ARHGAP26: variants seen among roughly 807,000 people sequenced by gnomAD.
ARHGAP26 encodes the protein rho GTPase-activating protein 26.
In ARHGAP26, 38 loss-of-function variants were observed where a neutral mutation model predicts 104.8. The observed-to-expected ratio is 0.36, with a 90% CI of 0.28 to 0.48. The LOEUF (loss-of-function observed/expected upper bound fraction) is 0.48. Ranked by LOEUF, ARHGAP26 falls within the 20% of genes least tolerant of loss-of-function variation. The pLI, the probability that ARHGAP26 is intolerant of heterozygous loss-of-function variation, is 0.99. For synonymous variants in ARHGAP26, 341 were observed against 340.0 expected (o/e 1.00, Z -0.03); for missense variants, 704 against 947.9 (o/e 0.74, Z 3.38).
Position 143,155,036 on chromosome 5 carries a change from T to C in ARHGAP26, c.1988+7655T>C, listed in dbSNP as rs188773337. 1.8e-3 allele frequency among the ~76,000 whole-genome samples: 267 copies of C among 152,268 alleles called. 1 individual carries two copies. Among genetic ancestry groups the C allele is most frequent in the African/African-American group, 6.3e-3 (261 of 41,562 alleles). ...ACTTTTTGTGGAGAAGGATCTTTCCTTTTAGATGGAGAATTCTGTTTCTCA... is the reference window on the plus strand; with the variant it reads ...ACTTTTTGTGGAGAAGGATCTTTCCCTTTAGATGGAGAATTCTGTTTCTCA... On this transcript the variant is annotated intron_variant, in intron 20 of 22. Coordinates refer to ENST00000645722, the MANE Select transcript of ARHGAP26 (RefSeq NM_001135608.3).
intron 11 of ARHGAP26, among the ~76,000 whole-genome samples, chr5:143,006,141 C>A (rs1443436889): frequency 2.0e-5 from 3 of 152,078 alleles, no homozygotes; most frequent in Non-Finnish European, 2.9e-5. Context: ...ATCCTGTTTT[C>A]TCTTAGGAAG....
chr5:142,838,290 T>C (rs965201219), intron 1 of ARHGAP26, among the ~76,000 whole-genome samples: 2 of 151,934 alleles, frequency 1.3e-5, no homozygotes, highest in Admixed American at 6.6e-5. Context: ...GGGTAAAATA[T>C]TGATTGATTC....
intron 1 of ARHGAP26, among the ~76,000 whole-genome samples, chr5:142,855,159 C>T (rs951682328): frequency 6.6e-6 from 1 of 152,112 alleles, no homozygotes; most frequent in Non-Finnish European, 1.5e-5. Context: ...CGTTTTAGAA[C>T]ATAAATGCTC....
intron 14 of ARHGAP26, among the ~76,000 whole-genome samples, chr5:143,042,447 G>A (rs1783604578): frequency 6.6e-6 from 1 of 152,216 alleles, no homozygotes; most frequent in African/African-American, 2.4e-5. Flanking sequence ...GCCACTGGCT[G>A]ATATAAATAC....
chr5:143,152,166 A>G (rs909526788), intron 20 of ARHGAP26, among the ~76,000 whole-genome samples: 5 of 152,178 alleles, frequency 3.3e-5, no homozygotes, highest in Admixed American at 2.6e-4. Flanking sequence ...TACACAAGAC[A>G]TTATGCATTT....
intron 3 of ARHGAP26, among the ~76,000 whole-genome samples, chr5:142,876,199 G>A (rs931840241): frequency 6.6e-5 from 10 of 152,156 alleles, no homozygotes; most frequent in Non-Finnish European, 1.5e-4. Flanking sequence ...CTAGGAGGGC[G>A]TGTCTTCAGG....
chr5:142,935,921 T>A (rs962401019), intron 11 of ARHGAP26, among the ~76,000 whole-genome samples: 2 of 152,092 alleles, frequency 1.3e-5, no homozygotes, highest in African/African-American at 4.8e-5. Context: ...ACTGAATGCT[T>A]TCCCTCTAAG....
chr5:143,158,255 G>A (rs1041909121), intron 20 of ARHGAP26, among the ~76,000 whole-genome samples: 6 of 152,128 alleles, frequency 3.9e-5, no homozygotes, highest in African/African-American at 1.4e-4. Flanking sequence ...TAAAAACATT[G>A]ATATAATTTT....
rs376417101 is a variant in ARHGAP26, at chr5:143,054,607, C to T, written c.1373+81C>T. 117 of 1,022,632 alleles carry T rather than the reference C, an allele frequency of 1.1e-4. No homozygotes were observed. In the South Asian group the frequency reaches 1.2e-3, roughly 10 times the overall value. 63.3% of individuals were successfully genotyped at this position (1,022,632 alleles called of 1,614,324 possible). A position where few individuals can be genotyped will look rare whatever the true frequency, so the allele number is the denominator to read the frequency against. The stretch of plus-strand genomic sequence containing the variant: ...AGAAAGCAGTTTTATTTTCAGACTC[C>T]GGAGAGCTGTCGGGTGGGTGTTTGA... On this transcript the variant is annotated intron_variant, in intron 15 of 22. Transcript: ENST00000645722.
At chr5:142,865,896 A>G (rs1438486802) in intron 1 of ARHGAP26, among the ~76,000 whole-genome samples, 1 of 152,092 alleles carries the variant, frequency 6.6e-6, no homozygotes, top group African/African-American at 2.4e-5. Flanking sequence ...TAGGTTCTGC[A>G]TTTCGCATCT....
intron 20 of ARHGAP26, among the ~76,000 whole-genome samples, chr5:143,187,559 A>T (rs980941079): frequency 2.0e-5 from 3 of 152,186 alleles, no homozygotes; most frequent in African/African-American, 7.2e-5. Flanking sequence ...TTTCTGAGCC[A>T]TCCGCCCTGT....
At chr5:142,803,636 G>A (rs1762454777) in intron 1 of ARHGAP26, among the ~76,000 whole-genome samples, 1 of 152,228 alleles carries the variant, frequency 6.6e-6, no homozygotes, top group Non-Finnish European at 1.5e-5. Context: ...CAAGGAGGAT[G>A]TTGGGAATGG....
At chr5:143,058,471 T>C (rs1460576228) in intron 17 of ARHGAP26, among the ~76,000 whole-genome samples, 1 of 152,274 alleles carries the variant, frequency 6.6e-6, no homozygotes, top group Non-Finnish European at 1.5e-5. Flanking sequence ...CATTGCTGAC[T>C]TCCCGTGCTG....
intron 12 of ARHGAP26, among the ~76,000 whole-genome samples, chr5:143,025,041 G>A (rs1780851481): frequency 6.6e-6 from 1 of 152,104 alleles, no homozygotes; most frequent in African/African-American, 2.4e-5. Flanking sequence ...TTGCTCAATG[G>A]TGCCTGGTAT....
chr5:142,805,777 T>C (rs1481558720), intron 1 of ARHGAP26, among the ~76,000 whole-genome samples: 1 of 152,196 alleles, frequency 6.6e-6, no homozygotes, highest in East Asian at 1.9e-4. Flanking sequence ...TGCCTCTCCT[T>C]CTCTATGAAG....
chr5:142,879,545 A>G (rs1012381861), intron 4 of ARHGAP26, 100 bp downstream of exon 4: 2 of 1,102,100 alleles, frequency 1.8e-6, no homozygotes, highest in Admixed American at 5.4e-5. Flanking sequence ...TCTTCAGAAA[A>G]TCGAAGCCCA....
rs1599603850 is a variant in ARHGAP26, at chr5:143,228,825, T to C, written c.*6379T>C. On this transcript the variant is annotated 3_prime_UTR_variant, in exon 23 of 23. Transcript: ENST00000645722. The stretch of plus-strand genomic sequence containing the variant: ...CCTTTGTCCCTGTTAGTAGCCCTGT[T>C]GCCATGTTCAGGCTTTTAAAAAATG... 5.2e-6 allele frequency: 1 copy of C among 193,016 alleles called. No homozygotes were observed. The highest frequency in any genetic ancestry group is 1.8e-3 in the Middle Eastern group (1 of 550). The allele number at this position is 193,016 out of a possible 1,614,324, so 12.0% of individuals were successfully genotyped here. A position where few individuals can be genotyped will look rare whatever the true frequency, so the allele number is the denominator to read the frequency against.
intron 10 of ARHGAP26, among the ~76,000 whole-genome samples, chr5:142,931,559 C>T (rs1001268340): frequency 7.9e-5 from 12 of 152,154 alleles, no homozygotes; most frequent in Admixed American, 7.9e-4. Flanking sequence ...AAAACTTCTC[C>T]ATGTCTGAAG....
At chr5:142,939,587 G>A (rs550107495) in intron 11 of ARHGAP26, among the ~76,000 whole-genome samples, 1 of 152,324 alleles carries the variant, frequency 6.6e-6, no homozygotes, top group East Asian at 1.9e-4. Flanking sequence ...GAAAGAGTGA[G>A]CTGTGAAAAG....
Sources: gnomAD v4.1 joint callset for allele counts (sites outside exome capture counted in the v4.1 genomes callset) on GRCh38, gnomAD v4.1.1 for gene constraint, MANE v1.5 for transcripts, NCBI Gene and HGNC (gene_info 2026-07-23, HGNC 2026-07-21) for gene names.